The following SMAD3 variants were observed in gnomAD, a reference collection of about 807,000 sequenced individuals.
SMAD3 encodes the protein MAD homolog 3.
A neutral mutation model predicts 51.8 loss-of-function variants in SMAD3; 12 were observed. That is an observed-to-expected ratio of 0.23 (90% CI 0.15 to 0.38). The LOEUF (loss-of-function observed/expected upper bound fraction) is 0.38. Ranked by LOEUF, SMAD3 falls within the 10% of genes least tolerant of loss-of-function variation. The pLI, the probability that SMAD3 is intolerant of heterozygous loss-of-function variation, is 1.00. For missense variants in SMAD3, 294 were observed against 565.6 expected (o/e 0.52, Z 4.87); for synonymous variants, 238 against 227.7 (o/e 1.05, Z -0.41).
At position 67,190,631 on chromosome 15, in the gene SMAD3, G is replaced by A; in HGVS notation, c.*95G>A. On this transcript the variant is annotated 3_prime_UTR_variant, in exon 9 of 9. Coordinates refer to ENST00000327367, the MANE Select transcript of SMAD3 (RefSeq NM_005902.4). ...ACTCTACTCAACCCATTGTTGTCAA[G>A]GAAGAAGAAATCTTTCTCCCTCAAC... 1.5e-6 allele frequency: 2 copies of A among 1,365,172 alleles called. No individual in the cohort carries two copies. Among genetic ancestry groups the A allele is most frequent in the South Asian group, 1.2e-5 (1 of 82,864 alleles). The allele number at this position is 1,365,172 out of a possible 1,614,324, so 84.6% of individuals were successfully genotyped here. A position where few individuals can be genotyped will look rare whatever the true frequency, so the allele number is the denominator to read the frequency against.
rs572574198 is a variant in SMAD3, at chr15:67,187,650, G to A, written c.1154+141G>A. The stretch of plus-strand genomic sequence containing the variant: ...GACCAAAGATCAGAGAGAGGCCAAG[G>A]CCTGGCAGGCAGGAGGGGCCGGGCC... On this transcript the variant is annotated intron_variant, in intron 8 of 8. Coordinates refer to ENST00000327367, the MANE Select transcript of SMAD3 (RefSeq NM_005902.4). 5.5e-6 allele frequency: 6 copies of A among 1,093,152 alleles called. No individual in the cohort carries two copies. The Admixed American group carries it at 1.1e-4, about 20-fold the overall frequency. 67.7% of individuals were successfully genotyped at this position (1,093,152 alleles called of 1,614,324 possible). A position where few individuals can be genotyped will look rare whatever the true frequency, so the allele number is the denominator to read the frequency against.
At chr15:67,082,725 C>T (rs2140205926) in intron 1 of SMAD3, among the ~76,000 whole-genome samples, 1 of 152,332 alleles carries the variant, frequency 6.6e-6, no homozygotes, top group East Asian at 1.9e-4. Context: ...AAGAGCTAAT[C>T]ACTAACTTCA....
chr15:67,117,318 T>A (rs145395670), intron 1 of SMAD3, among the ~76,000 whole-genome samples: 202 of 152,302 alleles, frequency 1.3e-3, no homozygotes, highest in African/African-American at 4.6e-3. Context: ...AGGTTCTGCC[T>A]GTGATGAATG....
At chr15:67,084,786 T>TA (rs1392358106) in intron 1 of SMAD3, among the ~76,000 whole-genome samples, 2 of 152,180 alleles carry the variant, frequency 1.3e-5, no homozygotes, top group African/African-American at 2.4e-5. Flanking sequence ...TCTGTGCTTC[T>TA]AGGCACCGGC....
chr15:67,193,898 G>A lies in SMAD3; in HGVS notation c.*3362G>A, dbSNP rs909355856. 1.7e-5 allele frequency: 4 copies of A among 232,982 alleles called. No homozygotes were observed. The highest frequency in any genetic ancestry group is 5.6e-5 in the Admixed American group (1 of 17,770). 14.4% of individuals were successfully genotyped at this position (232,982 alleles called of 1,614,324 possible). ...GAAGTAGTGTGTGCATGGCATGCAC[G>A]TATGTAAGTAATCTGGGGAAGAAGC... On this transcript the variant is annotated 3_prime_UTR_variant, in exon 9 of 9. Coordinates refer to ENST00000327367, the MANE Select transcript of SMAD3 (RefSeq NM_005902.4).
chr15:67,102,240 C>T (rs898545614), intron 1 of SMAD3, among the ~76,000 whole-genome samples: 1 of 49,734 alleles, frequency 2.0e-5, no homozygotes, highest in African/African-American at 6.0e-5. Context: ...GGGGGAAATG[C>T]TGTGAAAGTG....
intron 1 of SMAD3, among the ~76,000 whole-genome samples, chr15:67,158,819 G>T (rs1403193438): frequency 3.9e-5 from 6 of 152,202 alleles, no homozygotes. Flanking sequence ...CACCCAGATG[G>T]CCAAGGCAGG....
At chr15:67,178,784 AGACGTGGCT>A (rs1242222501) in intron 5 of SMAD3, among the ~76,000 whole-genome samples, 3 of 152,192 alleles carry the variant, frequency 2.0e-5, no homozygotes, top group African/African-American at 7.2e-5. Flanking sequence ...AGCCAGAGCC[AGACGTGGCT>A]GACGTGGCTC....
intron 1 of SMAD3, chr15:67,137,880 TTTC>T (rs1961705470): frequency 3.2e-6 from 2 of 617,198 alleles, no homozygotes; most frequent in Non-Finnish European, 3.0e-6. Flanking sequence ...TCCCTTTGGA[TTTC>T]TTCTGTCTGG....
At chr15:67,147,857 C>G (rs1300723364) in intron 1 of SMAD3, among the ~76,000 whole-genome samples, 2 of 152,164 alleles carry the variant, frequency 1.3e-5, no homozygotes, top group African/African-American at 4.8e-5. Flanking sequence ...ATGACAGCTA[C>G]GACTGCCACT....
chr15:67,183,299 C>T lies in SMAD3; in HGVS notation c.872-1428C>T, dbSNP rs1963136384. On this transcript the variant is annotated intron_variant, in intron 6 of 8. Transcript: ENST00000327367. ...CCTCAGGTGATCTGCCCGCCTCAGC[C>T]TCCCAAGGTACTGGGATTACAGGTG... 5.3e-5 allele frequency among the ~76,000 whole-genome samples: 8 copies of T among 151,932 alleles called. No homozygotes were observed. In the South Asian group the frequency reaches 1.5e-3, roughly 28 times the overall value.
At chr15:67,113,311 C>T (rs543649266) in intron 1 of SMAD3, among the ~76,000 whole-genome samples, 29 of 150,448 alleles carry the variant, frequency 1.9e-4, no homozygotes, top group African/African-American at 5.9e-4. Flanking sequence ...AGGATGGTCT[C>T]GATCTCTTGA....
At chr15:67,076,543 AGAAAC>A (rs1960173641) in intron 1 of SMAD3, among the ~76,000 whole-genome samples, 1 of 152,236 alleles carries the variant, frequency 6.6e-6, no homozygotes, top group Non-Finnish European at 1.5e-5. Flanking sequence ...GGTCAGGTCC[AGAAAC>A]TCATGGCTCT....
At chr15:67,098,637 G>C in intron 1 of SMAD3, 1 of 534,606 alleles carries the variant, frequency 1.9e-6, no homozygotes, top group Non-Finnish European at 3.4e-6. Flanking sequence ...TATTTCGAGG[G>C]TGGGGCCGCG....
intron 1 of SMAD3, among the ~76,000 whole-genome samples, chr15:67,157,578 G>A (rs2140284540): frequency 6.6e-6 from 1 of 152,368 alleles, no homozygotes; most frequent in South Asian, 2.1e-4. Context: ...ATCTTGGCAT[G>A]TTTCTGGAAC....
intron 1 of SMAD3, among the ~76,000 whole-genome samples, chr15:67,073,703 TC>T (rs1960106636): frequency 6.6e-6 from 1 of 152,216 alleles, no homozygotes; most frequent in Non-Finnish European, 1.5e-5. Flanking sequence ...AGATGGAGTT[TC>T]GCTCTTGTTG....
At chr15:67,140,339 C>G (rs1211954450) in intron 1 of SMAD3, among the ~76,000 whole-genome samples, 1 of 152,208 alleles carries the variant, frequency 6.6e-6, no homozygotes, top group African/African-American at 2.4e-5. Context: ...TGGTTTCAGG[C>G]AAGAGAAATG....
chr15:67,069,506 C>T (rs539314250), intron 1 of SMAD3, among the ~76,000 whole-genome samples: 2 of 152,288 alleles, frequency 1.3e-5, no homozygotes, highest in South Asian at 2.1e-4. Context: ...ACTTAGTTTT[C>T]TGGTAGACAC....
chr15:67,170,925 C>T (rs72743474), intron 5 of SMAD3, among the ~76,000 whole-genome samples: 2,049 of 152,358 alleles, frequency 0.013, 22 homozygotes, highest in Admixed American at 0.025. Context: ...CATACGTGTG[C>T]AGTTTGGTGC....
Sources: gnomAD v4.1 joint callset for allele counts (sites outside exome capture counted in the v4.1 genomes callset) on GRCh38, gnomAD v4.1.1 for gene constraint, MANE v1.5 for transcripts, NCBI Gene and HGNC (gene_info 2026-07-23, HGNC 2026-07-21) for gene names.